U2SURP: variants seen among roughly 807,000 people sequenced by gnomAD.
U2SURP encodes the protein U2 snRNP associated SURP domain containing, also known as U2 snRNP-associated SURP motif-containing protein.
A neutral mutation model predicts 144.9 loss-of-function variants in U2SURP; 9 were observed. The ratio of observed to expected loss-of-function variants is 0.06; its 90% CI spans 0.04 to 0.11. The LOEUF is 0.11. Ranked by LOEUF, U2SURP falls within the 10% of genes least tolerant of loss-of-function variation. The pLI, the probability that U2SURP is intolerant of heterozygous loss-of-function variation, is 1.00. For synonymous variants in U2SURP, 408 were observed against 396.8 expected (o/e 1.03, Z -0.33); for missense variants, 724 against 1,226.7 (o/e 0.59, Z 6.12).
intron 1 of U2SURP, among the ~76,000 whole-genome samples, chr3:143,005,141 CTTTT>C (rs71153997): frequency 7.3e-6 from 1 of 136,914 alleles, no homozygotes; most frequent in African/African-American, 2.7e-5. Flanking sequence ...GTGACTATGG[CTTTT>C]TTTTTTTTTT....
intron 23 of U2SURP, among the ~76,000 whole-genome samples, chr3:143,042,003 A>G (rs936196): frequency 0.67 from 102,424 of 151,774 alleles, 34,769 homozygotes; most frequent in African/African-American, 0.75. Context: ...ACCCAGTCTC[A>G]GAATGTATTT....
At chr3:143,032,720 A>C (rs1933578634) in intron 16 of U2SURP, 64 bp from the exon 17 acceptor site, 1 of 1,431,058 alleles carries the variant, frequency 7.0e-7, no homozygotes, top group Non-Finnish European at 9.6e-7. Flanking sequence ...GTTTGTGAGC[A>C]AAAGCTACAA....
chr3:143,017,524 A>G (rs1312273630), intron 6 of U2SURP, among the ~76,000 whole-genome samples: 1 of 152,164 alleles, frequency 6.6e-6, no homozygotes, highest in Non-Finnish European at 1.5e-5. Flanking sequence ...TGCATTGAAT[A>G]GTAAGCCTGG....
At chr3:143,043,712 T>C (rs989900750) in intron 24 of U2SURP, among the ~76,000 whole-genome samples, 2 of 70,896 alleles carry the variant, frequency 2.8e-5, no homozygotes, top group Non-Finnish European at 4.9e-5. Flanking sequence ...ATGTATAGAT[T>C]ATATGTATAT....
Position 143,060,216 on chromosome 3 carries a change from ATTC to A in U2SURP, c.*3769_*3771del, listed in dbSNP as rs925457916. 6 of 152,552 alleles carry A rather than the reference ATTC, an allele frequency of 3.9e-5. No homozygotes were observed. Among genetic ancestry groups the A allele is most frequent in the Non-Finnish European group, 5.9e-5 (4 of 67,888 alleles). The allele number at this position is 152,552 out of a possible 1,614,324, so 9.4% of individuals were successfully genotyped here. On this transcript the variant is annotated 3_prime_UTR_variant, in exon 28 of 28. Coordinates refer to ENST00000473835, the MANE Select transcript of U2SURP (RefSeq NM_001080415.2). ...ATTGTGCTTGGAGTATTTGTGTTTT[ATTC>A]TTTTACTTCAACGGGTTCTTGTCTG...
chr3:143,018,894 C>T (rs918782590), intron 6 of U2SURP, among the ~76,000 whole-genome samples: 1 of 152,136 alleles, frequency 6.6e-6, no homozygotes, highest in African/African-American at 2.4e-5. Context: ...CATTGCACTC[C>T]AGCCTGGGCA....
At position 143,053,778 on chromosome 3, in the gene U2SURP, C is replaced by T. The variant is rs770334570; in HGVS notation, c.2758C>T (p.Pro920Ser). ...CAAGAAGGAAAAAGATGAGTGTACT[C>T]CGACAAGGAAGGAAAGGTATAACAT... ...KDKKEKDECT[P>S]TRKERKRRHS... The change falls in exon 26 of 28, where the codon CCG (proline) becomes TCG (serine). Residue 920 changes from proline to serine, a missense_variant. By Grantham distance (74) the Pro-to-Ser change is moderately conservative. This residue lies in a region of U2SURP where 129 missense variants were observed against 196.1 expected (regional missense o/e 0.66). Coordinates refer to ENST00000473835, the MANE Select transcript of U2SURP (RefSeq NM_001080415.2). 2 of 1,594,462 alleles carry T rather than the reference C, an allele frequency of 1.3e-6. No individual in the cohort carries two copies. The highest frequency in any genetic ancestry group is 1.1e-5 in the South Asian group (1 of 87,522).
intron 4 of U2SURP, among the ~76,000 whole-genome samples, chr3:143,015,482 T>G (rs1936327869): frequency 6.6e-6 from 1 of 152,092 alleles, no homozygotes; most frequent in Non-Finnish European, 1.5e-5. Flanking sequence ...TGTTTTCCTC[T>G]ACTACTGAAT....
intron 16 of U2SURP, among the ~76,000 whole-genome samples, chr3:143,031,592 A>G (rs751967218): frequency 2.0e-5 from 3 of 152,224 alleles, no homozygotes; most frequent in Admixed American, 6.5e-5. Flanking sequence ...TAATGTGTAC[A>G]TTGTTTTTTT....
rs915175436 is a variant in U2SURP, at chr3:143,058,305, A to G, written c.*1855A>G. Reference sequence around the variant, plus strand: ...TAATAATCTTTCCAGTCAAGTTGCAAGGGATGCTTATTTCTCTTCAAAAAA... The same window carrying G: ...TAATAATCTTTCCAGTCAAGTTGCAGGGGATGCTTATTTCTCTTCAAAAAA... On this transcript the variant is annotated 3_prime_UTR_variant, in exon 28 of 28. Coordinates refer to ENST00000473835, the MANE Select transcript of U2SURP (RefSeq NM_001080415.2). 2.0e-5 allele frequency: 3 copies of G among 151,886 alleles called. No homozygotes were observed. Among genetic ancestry groups the G allele is most frequent in the African/African-American group, 7.2e-5 (3 of 41,426 alleles). 9.4% of individuals were successfully genotyped at this position (151,886 alleles called of 1,614,324 possible).
chr3:143,009,498 T>C (rs1226345053), intron 1 of U2SURP, among the ~76,000 whole-genome samples: 2 of 151,792 alleles, frequency 1.3e-5, no homozygotes, highest in African/African-American at 4.8e-5. Context: ...CCCAGGAGGC[T>C]GAGGGAGGAG....
intron 18 of U2SURP, among the ~76,000 whole-genome samples, chr3:143,033,582 C>T (rs746574118): frequency 4.6e-4 from 70 of 152,108 alleles, no homozygotes; most frequent in Middle Eastern, 3.4e-3. Flanking sequence ...ATTTTCTAAA[C>T]AATATAGTAT....
At position 143,010,856 on chromosome 3, in the gene U2SURP, A is replaced by G; in HGVS notation, c.87A>G (p.Ala29=). ...TTCATTCATCTGGATCTTCAGATGC[A>G]CATGTGAGTATAGAAGGCAATCTTT... The part of the protein sequence containing the change: ...SDVHSSGSSD[A]HMDASGPSDS... The change falls in exon 2 of 28, where the codon GCA becomes GCG. Residue 29 remains alanine (A), a synonymous_variant. Transcript: ENST00000473835. 1 of 1,606,792 alleles carries G rather than the reference A, an allele frequency of 6.2e-7. No individual in the cohort carries two copies. The highest frequency in any genetic ancestry group is 8.5e-7 in the Non-Finnish European group (1 of 1,176,848).
chr3:143,006,318 T>C (rs1414370001), intron 1 of U2SURP, among the ~76,000 whole-genome samples: 3 of 152,234 alleles, frequency 2.0e-5, no homozygotes, highest in African/African-American at 4.8e-5. Context: ...TGTTAATGAG[T>C]GGACAGCATA....
intron 1 of U2SURP, among the ~76,000 whole-genome samples, chr3:143,002,685 G>A (rs115894629): frequency 1.3e-5 from 2 of 152,314 alleles, no homozygotes; most frequent in African/African-American, 4.8e-5. Context: ...TACGGTAGGA[G>A]AGAAGCTTGC....
At chr3:143,028,188 G>A (rs951460392) in intron 14 of U2SURP, among the ~76,000 whole-genome samples, 152 bp from the exon 15 acceptor site, 2 of 152,118 alleles carry the variant, frequency 1.3e-5, no homozygotes, top group African/African-American at 2.4e-5. Context: ...GATAGGTAGC[G>A]GGTGGTAGTG....
intron 22 of U2SURP, 131 bp downstream of exon 22, chr3:143,038,334 T>G (rs1933920407): frequency 6.2e-6 from 4 of 648,570 alleles, no homozygotes; most frequent in Non-Finnish European, 7.2e-6. Context: ...TGTCATATTT[T>G]GTGTCTAATG....
chr3:143,022,253 G>T (rs1307435918), intron 10 of U2SURP, among the ~76,000 whole-genome samples: 1 of 152,090 alleles, frequency 6.6e-6, no homozygotes, highest in Admixed American at 6.5e-5. Flanking sequence ...AAATGATTTT[G>T]ATTTCTTCAT....
Position 143,028,639 on chromosome 3 carries a change from A to C in U2SURP, c.1603A>C (p.Lys535Gln), listed in dbSNP as rs1933295240. The change falls in exon 16 of 28, where the codon AAG becomes CAG. Residue 535 changes from lysine (K) to glutamine (Q), a missense_variant. By Grantham distance (53) the Lys-to-Gln change is moderately conservative (BLOSUM62 1). Around this residue, in one of 13 missense-constraint regions of U2SURP, gnomAD observed 66 missense variants for 95.0 expected, o/e 0.69. Transcript: ENST00000473835. ...VEEPSKKGAL[K>Q]EEQRDKLEEI... ...GGAACCTAGTAAAAAGGGAGCACTT[A>C]AGGAAGAGTAAGATATTTTTCCTTT... 6.3e-7 allele frequency: 1 copy of C among 1,594,650 alleles called. No individual in the cohort carries two copies. Among genetic ancestry groups the C allele is most frequent in the Non-Finnish European group, 8.5e-7 (1 of 1,174,850 alleles).
Sources: gnomAD v4.1 joint callset for allele counts (sites outside exome capture counted in the v4.1 genomes callset) on GRCh38, gnomAD v4.1.1 for gene constraint, gnomAD v4.1.1 regional missense constraint, MANE v1.5 for transcripts, NCBI Gene and HGNC (gene_info 2026-07-23, HGNC 2026-07-21) for gene names.